Variants in TNNT3 observed in about 807,000 individuals in gnomAD.
The protein encoded by TNNT3 is troponin T3, fast skeletal type.
Under a neutral mutation model 54.2 loss-of-function variants are expected in TNNT3, and 36 were observed. The ratio of observed to expected loss-of-function variants is 0.66; its 90% CI spans 0.51 to 0.88. TNNT3 has a LOEUF of 0.88. TNNT3 is among the 40% of genes least tolerant of loss of function. TNNT3 has a pLI of 0.00. For missense variants in TNNT3, 291 were observed against 331.6 expected (o/e 0.88, Z 0.95); for synonymous variants, 120 against 109.7 (o/e 1.09, Z -0.59).
intron 5 of TNNT3, 45 bp downstream of exon 5, chr11:1,925,161 C>A (rs1231790738): frequency 8.7e-6 from 14 of 1,604,850 alleles, no homozygotes; most frequent in Non-Finnish European, 1.2e-5. Context: ...ACTCCCCAGC[C>A]TTCCCGCCCC....
intron 11 of TNNT3, 85 bp from the exon 12 acceptor site, chr11:1,934,246 TA>T: frequency 7.7e-7 from 1 of 1,301,468 alleles, no homozygotes; most frequent in Non-Finnish European, 1.1e-6. Context: ...CAGACAGCTC[TA>T]AGCCCAGGGT....
intron 6 of TNNT3, 65 bp downstream of exon 6, chr11:1,926,774 C>T (rs1303693185): frequency 6.9e-6 from 11 of 1,603,660 alleles, no homozygotes; most frequent in Admixed American, 1.7e-5. Context: ...TCTCTTGCTT[C>T]CTCCCTCTTG....
At chr11:1,922,703 G>A in intron 1 of TNNT3, 154 bp from the exon 2 acceptor site, 1 of 714,342 alleles carries the variant, frequency 1.4e-6, no homozygotes, top group Non-Finnish European at 2.5e-6. Flanking sequence ...GGCCCAAGGA[G>A]GTGGACTCAC....
intron 13 of TNNT3, 42 bp downstream of exon 13, chr11:1,934,697 C>T: frequency 6.2e-7 from 1 of 1,607,268 alleles, no homozygotes; most frequent in Non-Finnish European, 8.5e-7. Flanking sequence ...ACGGGGTGGC[C>T]CCTGCAGGAG....
At chr11:1,924,219 A>C (rs1589891695) in intron 4 of TNNT3, among the ~76,000 whole-genome samples, 2 of 148,980 alleles carry the variant, frequency 1.3e-5, no homozygotes, top group East Asian at 2.0e-4. Context: ...CCTCCATGCC[A>C]CCCCCCAACC....
intron 1 of TNNT3, 77 bp from the exon 2 acceptor site, chr11:1,922,780 C>A: frequency 6.9e-7 from 1 of 1,450,764 alleles, no homozygotes; most frequent in Non-Finnish European, 9.6e-7. Context: ...AGACCCCATC[C>A]CCCATCCTAC....
intron 8 of TNNT3, among the ~76,000 whole-genome samples, chr11:1,932,126 C>T (rs1180311298): frequency 1.3e-5 from 2 of 152,250 alleles, no homozygotes; most frequent in East Asian, 3.9e-4. Context: ...CATCGCTTCT[C>T]ACCCGACATG....
At chr11:1,924,592 C>G (rs1850988780) in intron 4 of TNNT3, among the ~76,000 whole-genome samples, 1 of 152,208 alleles carries the variant, frequency 6.6e-6, no homozygotes, top group Non-Finnish European at 1.5e-5. Context: ...GGGGAGCCAT[C>G]TTTTCTCTTG....
intron 5 of TNNT3, chr11:1,926,456 C>G (rs764039789): frequency 6.2e-7 from 1 of 1,613,236 alleles, no homozygotes; most frequent in Non-Finnish European, 8.5e-7. Context: ...CCGTGGCCTC[C>G]TTGGCCCGTG....
At chr11:1,926,797 G>A in intron 6 of TNNT3, 88 bp downstream of exon 6, 1 of 1,565,330 alleles carries the variant, frequency 6.4e-7, no homozygotes, top group Admixed American at 1.7e-5. Context: ...CACCCCTTGT[G>A]ACGTTTGCCA....
At chr11:1,925,493 C>A in intron 5 of TNNT3, 1 of 628,110 alleles carries the variant, frequency 1.6e-6, no homozygotes, top group Non-Finnish European at 2.8e-6. Flanking sequence ...CCCCACAGCC[C>A]CCCAGGCAGT....
Position 1,938,555 on chromosome 11 carries a change from T to C in TNNT3, c.*63T>C, listed in dbSNP as rs1184482564. On this transcript the variant is annotated 3_prime_UTR_variant, in exon 16 of 16. Coordinates refer to ENST00000278317, the MANE Select transcript of TNNT3 (RefSeq NM_006757.4). ...CCCTCTTGCACACCAGGGCCGCTCG[T>C]GGGACTCCACATCCTCCAGCCCCCA... 5.2e-6 allele frequency: 8 copies of C among 1,529,396 alleles called. No homozygotes were observed. Among genetic ancestry groups the C allele is most frequent in the Non-Finnish European group, 7.2e-6 (8 of 1,110,166 alleles). 94.7% of individuals were successfully genotyped at this position (1,529,396 alleles called of 1,614,324 possible). A position where few individuals can be genotyped will look rare whatever the true frequency, so the allele number is the denominator to read the frequency against.
At chr11:1,929,774 G>A in intron 7 of TNNT3, 36 bp from the exon 8 acceptor site, 2 of 1,551,876 alleles carry the variant, frequency 1.3e-6, no homozygotes, top group Non-Finnish European at 1.7e-6. Context: ...CCCCACGCTG[G>A]TGTCCCTCTC....
intron 4 of TNNT3, 174 bp from the exon 5 acceptor site, chr11:1,924,925 C>A (rs1851106141): frequency 2.7e-6 from 2 of 730,886 alleles, no homozygotes; most frequent in Non-Finnish European, 4.9e-6. Flanking sequence ...CCGGGGCTGG[C>A]CAGAGATGCA....
In TNNT3 at chr11:1,936,866, G is replaced by GCAGCC. The variant is rs1855240065; in HGVS notation, c.682-89_682-85dup. On this transcript the variant is annotated intron_variant, in intron 14 of 15. Coordinates refer to ENST00000278317, the MANE Select transcript of TNNT3 (RefSeq NM_006757.4). ...TGGGGGCCCAGCAGCCCTGGGTCGC[G>GCAGCC]CAGCCCAGCCCACCCTGCGGTGGAG... The GCAGCC allele has an allele frequency of 3.0e-6, 4 of 1,351,070 alleles. No individual in the cohort carries two copies. The Admixed American group carries it at 7.9e-5, about 27-fold the overall frequency. The allele number at this position is 1,351,070 out of a possible 1,614,324, so 83.7% of individuals were successfully genotyped here. A position where few individuals can be genotyped will look rare whatever the true frequency, so the allele number is the denominator to read the frequency against.
At chr11:1,936,315 C>G in intron 14 of TNNT3, 1 of 1,581,864 alleles carries the variant, frequency 6.3e-7, no homozygotes, top group Non-Finnish European at 8.7e-7. Context: ...GTGAGGTGAA[C>G]CTCTCGCATG....
At position 1,923,529 on chromosome 11, in the gene TNNT3, C is replaced by T. The variant is rs201230428; in HGVS notation, c.32-26C>T. The stretch of plus-strand genomic sequence containing the variant: ...ACGGGCTGCCCCTTCTAACGTGGTT[C>T]CCCTCTTTGTTCTGTCCCAATGCAG... On this transcript the variant is annotated intron_variant, in intron 3 of 15. Coordinates refer to ENST00000278317, the MANE Select transcript of TNNT3 (RefSeq NM_006757.4). 7.4e-6 allele frequency: 12 copies of T among 1,613,898 alleles called. No individual in the cohort carries two copies. In the East Asian group the frequency reaches 2.7e-4, roughly 36 times the overall value.
chr11:1,920,360 G>A (rs896997604), intron 1 of TNNT3, among the ~76,000 whole-genome samples: 4 of 152,160 alleles, frequency 2.6e-5, no homozygotes, highest in African/African-American at 9.7e-5. Flanking sequence ...GGAGGTGCAG[G>A]ACAGAAGTGG....
At chr11:1,926,341 C>T (rs1241305589) in intron 5 of TNNT3, 26 of 1,150,808 alleles carry the variant, frequency 2.3e-5, no homozygotes, top group Middle Eastern at 1.9e-4. Flanking sequence ...GTGTCTTGCT[C>T]GCTCCCCGCA....
Sources: allele counts gnomAD v4.1 joint callset (sites outside exome capture counted in the v4.1 genomes callset), GRCh38; gene constraint gnomAD v4.1.1; transcripts MANE v1.5; gene names NCBI Gene and HGNC (gene_info 2026-07-23, HGNC 2026-07-21).